Variants in GRM8 observed in about 807,000 individuals in gnomAD.
GRM8 encodes the protein metabotropic glutamate receptor 8.
In GRM8, 47 loss-of-function variants were observed where a neutral mutation model predicts 87.2. The observed-to-expected ratio is 0.54, with a 90% CI of 0.43 to 0.69. The LOEUF is 0.69. Among genes scored for constraint, GRM8 ranks in the 30% least tolerant of loss-of-function variants. The probability of loss-of-function intolerance (pLI) is 0.00; values close to 1 mark genes in which losing one functional copy is unlikely to be tolerated. For synonymous variants in GRM8, 396 were observed against 404.5 expected, an observed-to-expected ratio of 0.98 and a Z score of 0.25; for missense variants, 1,019 against 1,139.2, an observed-to-expected ratio of 0.89 and a Z score of 1.52.
chr7:126,667,850 A>T (rs1805940768), intron 7 of GRM8, among the ~76,000 whole-genome samples: 1 of 152,234 alleles, frequency 6.6e-6, no homozygotes, highest in African/African-American at 2.4e-5. Context: ...CCAGACCAGC[A>T]GTAGCCTCAC....
chr7:126,831,211 G>C (rs1197435826), intron 6 of GRM8, among the ~76,000 whole-genome samples: 4 of 152,202 alleles, frequency 2.6e-5, no homozygotes. Context: ...GCTGAGTGCT[G>C]GGAGAACCAC....
intron 2 of GRM8, among the ~76,000 whole-genome samples, chr7:127,199,784 C>A (rs1442944264): frequency 1.3e-5 from 2 of 152,138 alleles, no homozygotes; most frequent in Non-Finnish European, 2.9e-5. Flanking sequence ...CCTTCATTAG[C>A]TAGAGGAACA....
chr7:127,009,147 A>C (rs1563407333), intron 3 of GRM8, among the ~76,000 whole-genome samples: 2 of 152,128 alleles, frequency 1.3e-5, no homozygotes, highest in Non-Finnish European at 2.9e-5. Flanking sequence ...GCTTGACTAA[A>C]TTAACTACTA....
intron 7 of GRM8, among the ~76,000 whole-genome samples, chr7:126,752,303 C>T: frequency 6.6e-6 from 1 of 151,686 alleles, no homozygotes; most frequent in East Asian, 1.9e-4. Flanking sequence ...AAGACCAAGT[C>T]TCTAAAAAAA....
intron 3 of GRM8, among the ~76,000 whole-genome samples, chr7:126,925,336 T>G (rs78791372): frequency 0.014 from 2,116 of 152,308 alleles, 46 homozygotes; most frequent in African/African-American, 0.048. Flanking sequence ...CAGAATGCAG[T>G]ACTAGAATTG....
intron 6 of GRM8, among the ~76,000 whole-genome samples, chr7:126,896,389 G>A (rs1801543348): frequency 6.6e-6 from 1 of 151,990 alleles, no homozygotes; most frequent in Non-Finnish European, 1.5e-5. Flanking sequence ...GGGGACAAAT[G>A]GGGATGGCAG....
intron 3 of GRM8, among the ~76,000 whole-genome samples, chr7:127,076,724 T>C (rs1822304902): frequency 6.6e-6 from 1 of 152,188 alleles, no homozygotes; most frequent in African/African-American, 2.4e-5. Context: ...CTCTTGGCCA[T>C]CGTGTCCATT....
intron 2 of GRM8, among the ~76,000 whole-genome samples, chr7:127,171,188 G>A (rs1453514569): frequency 1.3e-5 from 2 of 152,142 alleles, no homozygotes; most frequent in South Asian, 2.1e-4. Context: ...TGACTGAATT[G>A]CTGCAATCTC....
At chr7:126,583,730 T>G (rs1201176611) in intron 8 of GRM8, among the ~76,000 whole-genome samples, 1 of 151,464 alleles carries the variant, frequency 6.6e-6, no homozygotes, top group Admixed American at 6.6e-5. Context: ...CTTGAACAGA[T>G]GAGTAACTGC....
chr7:127,065,225 G>C (rs549148487), intron 3 of GRM8, among the ~76,000 whole-genome samples: 4 of 152,306 alleles, frequency 2.6e-5, no homozygotes, highest in African/African-American at 9.6e-5. Context: ...GCGGGAACAT[G>C]CAATAGCTGG....
At chr7:127,153,785 T>C (rs1360737997) in intron 2 of GRM8, among the ~76,000 whole-genome samples, 1 of 152,148 alleles carries the variant, frequency 6.6e-6, no homozygotes, top group African/African-American at 2.4e-5. Flanking sequence ...AAATGGCAAA[T>C]ATCTGAATTG....
chr7:126,708,354 T>C (rs1810758930), intron 7 of GRM8, among the ~76,000 whole-genome samples: 1 of 152,042 alleles, frequency 6.6e-6, no homozygotes, highest in South Asian at 2.1e-4. Flanking sequence ...AACTACCATA[T>C]GATCCAACAA....
At chr7:126,782,803 C>T (rs927301641) in intron 6 of GRM8, among the ~76,000 whole-genome samples, 2 of 152,110 alleles carry the variant, frequency 1.3e-5, no homozygotes, top group Non-Finnish European at 2.9e-5. Context: ...ACAATTCTTG[C>T]CTCTGTACAA....
chr7:126,723,818 G>A (rs2151462480), intron 7 of GRM8, among the ~76,000 whole-genome samples: 1 of 152,256 alleles, frequency 6.6e-6, no homozygotes, highest in Non-Finnish European at 1.5e-5. Flanking sequence ...GCCACTCTGG[G>A]CAGTGGGTGA....
chr7:126,556,167 T>C (rs1246958619), intron 8 of GRM8, among the ~76,000 whole-genome samples: 1 of 151,984 alleles, frequency 6.6e-6, no homozygotes, highest in Non-Finnish European at 1.5e-5. Context: ...ATGAAATAAC[T>C]CATGAAAGCA....
At position 126,792,320 on chromosome 7, in the gene GRM8, A is replaced by G. The variant is rs1443208131; in HGVS notation, c.1157-22255T>C. Among the ~76,000 whole-genome samples the G allele has an allele frequency of 2.0e-5, 3 of 152,210 alleles. No individual in the cohort carries two copies. In the East Asian group the frequency reaches 5.8e-4, roughly 29 times the overall value. On this transcript the variant is annotated intron_variant, in intron 6 of 10. Coordinates refer to ENST00000339582, the MANE Select transcript of GRM8 (RefSeq NM_000845.3). ...AAGTAATCAAAGCAGTATTTAAACC[A>G]AAAGTTAGCAATGTGTGGTCTCTGT... is the stretch of plus-strand genomic sequence containing the variant.
chr7:127,074,289 T>C (rs1408027502), intron 3 of GRM8, among the ~76,000 whole-genome samples: 10 of 152,214 alleles, frequency 6.6e-5, no homozygotes, highest in Admixed American at 6.5e-4. Context: ...CTTTTTGTCA[T>C]TCATGAAAAT....
At chr7:127,178,474 C>T (rs1220369489) in intron 2 of GRM8, among the ~76,000 whole-genome samples, 2 of 152,158 alleles carry the variant, frequency 1.3e-5, no homozygotes, top group Non-Finnish European at 2.9e-5. Context: ...TAGAGACCTA[C>T]ACATCCACAC....
intron 6 of GRM8, among the ~76,000 whole-genome samples, chr7:126,828,733 C>T (rs1443821808): frequency 3.9e-5 from 6 of 152,008 alleles, no homozygotes; most frequent in Non-Finnish European, 7.4e-5. Context: ...TTATTTCTTG[C>T]CTTCTGCTAG....
Sources: allele counts gnomAD v4.1 joint callset (sites outside exome capture counted in the v4.1 genomes callset), GRCh38; gene constraint gnomAD v4.1.1; transcripts MANE v1.5; gene names NCBI Gene and HGNC (gene_info 2026-07-23, HGNC 2026-07-21).